Variants in TMCC1 observed in about 807,000 individuals in gnomAD.
The protein encoded by TMCC1 is transmembrane and coiled-coil domain family 1, also known as transmembrane and coiled-coil domains protein 1.
A neutral mutation model predicts 52.4 loss-of-function variants in TMCC1; 15 were observed. The ratio of observed to expected loss-of-function variants is 0.29; its 90% CI spans 0.19 to 0.44. The LOEUF (loss-of-function observed/expected upper bound fraction) is 0.44. Among genes scored for constraint, TMCC1 ranks in the 20% least tolerant of loss-of-function variants. The pLI is 1.00. For synonymous variants in TMCC1, 279 were observed against 301.9 expected, an observed-to-expected ratio of 0.92 and a Z score of 0.79; for missense variants, 503 against 806.0, an observed-to-expected ratio of 0.62 and a Z score of 4.55.
chr3:129,874,625 G>A (rs895751609), intron 2 of TMCC1, among the ~76,000 whole-genome samples: 2 of 152,180 alleles, frequency 1.3e-5, no homozygotes, highest in African/African-American at 2.4e-5. Context: ...GCAAGGCTGA[G>A]GTGGAATGAC....
At position 129,828,010 on chromosome 3, in the gene TMCC1, A is replaced by G. The variant is rs1416736922; in HGVS notation, c.369T>C (p.Ser123=). The change falls in exon 4 of 7, where the codon AGT becomes AGC. Residue 123 remains serine (S), a synonymous_variant. Coordinates refer to ENST00000393238, the MANE Select transcript of TMCC1 (RefSeq NM_001017395.5). The surrounding 1 kb of genome is among the most constrained non-coding windows in gnomAD (Gnocchi z 4.1). ...TTGGGGCCTCTGGCTTGCCCCGCCT[A>G]CTATGCAAGCTTGTCCCTCTCTTCA... ...PKMKRGTSLH[S]RRGKPEAPKG... is the part of the protein sequence containing the mutation. 3 of 1,614,068 alleles carry G rather than the reference A, an allele frequency of 1.9e-6. No homozygotes were observed. The Admixed American group carries it at 5.0e-5, about 27-fold the overall frequency.
intron 4 of TMCC1, among the ~76,000 whole-genome samples, chr3:129,783,533 C>T (rs1417931785): frequency 1.3e-5 from 2 of 151,518 alleles, no homozygotes; most frequent in Admixed American, 1.3e-4. Flanking sequence ...GTAGGGAGAT[C>T]TATTTTCCAA....
chr3:129,886,670 T>G (rs112259422), intron 1 of TMCC1, among the ~76,000 whole-genome samples: 88 of 152,112 alleles, frequency 5.8e-4, no homozygotes, highest in Middle Eastern at 3.4e-3. Flanking sequence ...CCGGGTGCAA[T>G]GGCTCACACC....
chr3:129,744,204 C>G (rs1388304288), intron 4 of TMCC1, among the ~76,000 whole-genome samples: 2 of 152,144 alleles, frequency 1.3e-5, no homozygotes, highest in African/African-American at 4.8e-5. Context: ...TCAAGGAGCT[C>G]TGGTAGCAAT....
intron 2 of TMCC1, among the ~76,000 whole-genome samples, chr3:129,842,907 TACA>T (rs1363160760): frequency 6.6e-6 from 1 of 152,012 alleles, no homozygotes; most frequent in East Asian, 1.9e-4. Context: ...TAAACAAAAA[TACA>T]ACATTATCAA....
chr3:129,808,315 T>A (rs1013583327), intron 4 of TMCC1, among the ~76,000 whole-genome samples: 7 of 152,208 alleles, frequency 4.6e-5, no homozygotes, highest in Non-Finnish European at 8.8e-5. Context: ...AAACCTCGTC[T>A]CCACTAAAAA....
rs944138227 is a variant in TMCC1, at chr3:129,843,183, G to A, written c.-183-10357C>T. Among the ~76,000 whole-genome samples the A allele has an allele frequency of 4.6e-5, 7 of 151,820 alleles. No individual in the cohort carries two copies. In the South Asian group the frequency reaches 1.2e-3, roughly 27 times the overall value. Reference sequence around the variant, plus strand: ...AACACAGTGAAACCCCATTTGTACTGAAAATACAAAAAAATTAGCCGGGCG... The same window carrying A: ...AACACAGTGAAACCCCATTTGTACTAAAAATACAAAAAAATTAGCCGGGCG... On this transcript the variant is annotated intron_variant, in intron 2 of 6. Transcript: ENST00000393238.
chr3:129,679,295 A>C (rs535767945), intron 4 of TMCC1, among the ~76,000 whole-genome samples: 1 of 152,006 alleles, frequency 6.6e-6, no homozygotes, highest in Non-Finnish European at 1.5e-5. Context: ...GACTTCTCTG[A>C]CTGCCTTATT....
intron 4 of TMCC1, among the ~76,000 whole-genome samples, chr3:129,767,843 T>G (rs2054253494): frequency 6.6e-6 from 1 of 152,224 alleles, no homozygotes; most frequent in African/African-American, 2.4e-5. Context: ...AATGCTTTAC[T>G]AAAGGGAAAC....
chr3:129,834,985 T>C (rs1038215468), intron 2 of TMCC1, among the ~76,000 whole-genome samples: 2 of 152,234 alleles, frequency 1.3e-5, no homozygotes, highest in Admixed American at 6.5e-5. Flanking sequence ...GTGAGAGCTA[T>C]TTCCTTGCAT....
At chr3:129,794,919 T>A (rs1212087849) in intron 4 of TMCC1, among the ~76,000 whole-genome samples, 2 of 151,886 alleles carry the variant, frequency 1.3e-5, no homozygotes, top group African/African-American at 2.4e-5. Context: ...TGAGGCAGTG[T>A]GAAAAAAAAG....
intron 4 of TMCC1, among the ~76,000 whole-genome samples, chr3:129,826,469 C>T (rs952172292): frequency 6.6e-6 from 1 of 152,064 alleles, no homozygotes; most frequent in African/African-American, 2.4e-5. Flanking sequence ...GATCACACCA[C>T]TGCACCCCAG....
At chr3:129,734,407 T>A (rs145327151) in intron 4 of TMCC1, among the ~76,000 whole-genome samples, 113 of 152,340 alleles carry the variant, frequency 7.4e-4, no homozygotes, top group Non-Finnish European at 1.4e-3. Context: ...TGGACAGATG[T>A]ACATGCAATA....
chr3:129,750,468 G>A (rs1007687459), intron 4 of TMCC1, among the ~76,000 whole-genome samples: 1 of 151,442 alleles, frequency 6.6e-6, no homozygotes, highest in Non-Finnish European at 1.5e-5. Flanking sequence ...CTGGGATTAC[G>A]GGCATGAGCC....
chr3:129,875,164 G>A (rs1022962105), intron 2 of TMCC1, among the ~76,000 whole-genome samples: 2 of 151,176 alleles, frequency 1.3e-5, no homozygotes, highest in African/African-American at 4.9e-5. Context: ...TCTAGCCTGA[G>A]CAATACAGCA....
chr3:129,760,308 C>A lies in TMCC1; in HGVS notation c.576+67495G>T, dbSNP rs139530186. ...TACCGCAGCCTCGAGCTTCTGGGCT[C>A]AAGCCATCCTCTCACTTCCTCAGCT... On this transcript the variant is annotated intron_variant, in intron 4 of 6. Coordinates refer to ENST00000393238, the MANE Select transcript of TMCC1 (RefSeq NM_001017395.5). Among the ~76,000 whole-genome samples the A allele has an allele frequency of 3.8e-3, 581 of 152,252 alleles. 6 individuals are homozygous for A. Among genetic ancestry groups the A allele is most frequent in the African/African-American group, 0.013 (552 of 41,552 alleles).
chr3:129,883,190 T>C (rs1022701522), intron 1 of TMCC1, among the ~76,000 whole-genome samples: 9 of 151,956 alleles, frequency 5.9e-5, no homozygotes, highest in Non-Finnish European at 2.9e-5. Flanking sequence ...CACATGCCTG[T>C]AATCCCAGCT....
intron 2 of TMCC1, among the ~76,000 whole-genome samples, chr3:129,848,631 T>C (rs140197102): frequency 1.7e-4 from 26 of 152,304 alleles, no homozygotes; most frequent in Non-Finnish European, 8.8e-5. Context: ...ACCCTTATAG[T>C]TGAAAGTACA....
intron 2 of TMCC1, among the ~76,000 whole-genome samples, chr3:129,837,041 G>T (rs1457817211): frequency 1.3e-5 from 2 of 152,176 alleles, no homozygotes; most frequent in Non-Finnish European, 2.9e-5. Flanking sequence ...AAAGGAAGCT[G>T]ACACCCAATT....
Sources: gnomAD v4.1 joint callset for allele counts (sites outside exome capture counted in the v4.1 genomes callset) on GRCh38, gnomAD v4.1.1 for gene constraint, Gnocchi (gnomAD v3.1) non-coding constraint, MANE v1.5 for transcripts, NCBI Gene and HGNC (gene_info 2026-07-23, HGNC 2026-07-21) for gene names.